SLC30A8: variants seen among roughly 807,000 people sequenced by gnomAD.
SLC30A8 encodes the protein proton-coupled zinc antiporter SLC30A8.
A neutral mutation model predicts 36.9 loss-of-function variants in SLC30A8; 27 were observed. The ratio of observed to expected loss-of-function variants is 0.73; its 90% CI spans 0.54 to 1.01. The LOEUF is 1.01. SLC30A8 is among the 50% of genes least tolerant of loss of function. The pLI, the probability that SLC30A8 is intolerant of heterozygous loss-of-function variation, is 0.00. For synonymous variants in SLC30A8, 164 were observed against 172.4 expected, an observed-to-expected ratio of 0.95 and a Z score of 0.38; for missense variants, 439 against 452.0, an observed-to-expected ratio of 0.97 and a Z score of 0.26.
chr8:117,041,772 T>C (rs996967645), intron 2 of SLC30A8, among the ~76,000 whole-genome samples: 2 of 152,148 alleles, frequency 1.3e-5, no homozygotes, highest in Non-Finnish European at 1.5e-5. Flanking sequence ...ACTTGACACA[T>C]TGATTGCTTT....
At chr8:116,966,580 A>G (rs1485067496) in intron 1 of SLC30A8, among the ~76,000 whole-genome samples, 1 of 152,178 alleles carries the variant, frequency 6.6e-6, no homozygotes, top group Non-Finnish European at 1.5e-5. Context: ...GACTTTCACA[A>G]TCACAAGCAG....
upstream of SLC30A8, among the ~76,000 whole-genome samples, chr8:117,131,350 A>G (rs2130924105): frequency 1.3e-5 from 2 of 152,146 alleles, no homozygotes; most frequent in South Asian, 4.1e-4. Context: ...TGCTAAGAAA[A>G]TACTACTCAA....
intron 1 of SLC30A8, among the ~76,000 whole-genome samples, chr8:116,967,136 T>A (rs904760318): frequency 1.3e-5 from 2 of 152,118 alleles, no homozygotes; most frequent in African/African-American, 4.8e-5. Flanking sequence ...AAATAAAAAT[T>A]CCCCAGGGTA....
At chr8:116,997,497 T>C (rs949406008) in intron 1 of SLC30A8, among the ~76,000 whole-genome samples, 2 of 148,166 alleles carry the variant, frequency 1.3e-5, no homozygotes, top group African/African-American at 5.0e-5. Context: ...GAAAATTAAA[T>C]CAGTTTTTTT....
intron 2 of SLC30A8, among the ~76,000 whole-genome samples, chr8:117,074,157 C>A (rs1818420291): frequency 6.6e-6 from 1 of 151,710 alleles, no homozygotes; most frequent in South Asian, 2.1e-4. Flanking sequence ...GAATGAAACG[C>A]ATGCACGTTT....
chr8:117,052,376 A>T (rs2130774247), intron 2 of SLC30A8, among the ~76,000 whole-genome samples: 1 of 152,324 alleles, frequency 6.6e-6, no homozygotes, highest in Non-Finnish European at 1.5e-5. Flanking sequence ...ATGCAAATGG[A>T]CTAACACAAT....
intron 2 of SLC30A8, among the ~76,000 whole-genome samples, chr8:117,098,049 T>C (rs1451226791): frequency 1.5e-5 from 2 of 136,970 alleles, no homozygotes; most frequent in East Asian, 2.0e-4. Context: ...TATAATTATA[T>C]ATAATTATAA....
At chr8:117,082,835 T>A (rs934619854) in intron 2 of SLC30A8, among the ~76,000 whole-genome samples, 1 of 152,130 alleles carries the variant, frequency 6.6e-6, no homozygotes, top group South Asian at 2.1e-4. Flanking sequence ...TTTGACTTGA[T>A]GCCTAGACAA....
upstream of SLC30A8, among the ~76,000 whole-genome samples, chr8:117,132,781 G>A (rs1250878630): frequency 6.6e-6 from 1 of 151,982 alleles, no homozygotes; most frequent in Non-Finnish European, 1.5e-5. Flanking sequence ...CAGTTAAAAT[G>A]AACTTGTAAG....
chr8:117,036,734 C>T (rs1196674420), intron 1 of SLC30A8, among the ~76,000 whole-genome samples: 1 of 152,176 alleles, frequency 6.6e-6, no homozygotes, highest in African/African-American at 2.4e-5. Flanking sequence ...CAATCACCTC[C>T]CACCGGGTCC....
chr8:117,075,159 TAGTG>T (rs1490647449), intron 2 of SLC30A8, among the ~76,000 whole-genome samples: 1 of 152,100 alleles, frequency 6.6e-6, no homozygotes, highest in Non-Finnish European at 1.5e-5. Context: ...AACAAAAAAA[TAGTG>T]AGCAAAGACA....
intron 2 of SLC30A8, among the ~76,000 whole-genome samples, chr8:117,081,767 T>C (rs1818684637): frequency 6.6e-6 from 1 of 152,192 alleles, no homozygotes; most frequent in Non-Finnish European, 1.5e-5. Context: ...TTAAGTAAAG[T>C]CTTCCAATTT....
At chr8:117,098,183 A>C (rs1279810032) in intron 2 of SLC30A8, among the ~76,000 whole-genome samples, 1 of 150,514 alleles carries the variant, frequency 6.6e-6, no homozygotes, top group African/African-American at 2.4e-5. Context: ...TTAGTCAATC[A>C]AGACCTCCCT....
chr8:117,143,558 T>C (rs969515689), intron 1 of SLC30A8, among the ~76,000 whole-genome samples: 1 of 152,104 alleles, frequency 6.6e-6, no homozygotes, highest in African/African-American at 2.4e-5. Flanking sequence ...GACTTGACTT[T>C]AATGAGATGA....
At position 117,015,488 on chromosome 8, in the gene SLC30A8, G is replaced by C. The variant is rs1816485324; in HGVS notation, c.-265-23731G>C. ...TCTTCTTAAAGCTGCATTTCCTAAA[G>C]TGGGTCCAATGGGAAACATTACAGT... On this transcript the variant is annotated intron_variant, in intron 1 of 10. Transcript: ENST00000427715. Among the ~76,000 whole-genome samples, 3 of 151,626 alleles carry C rather than the reference G, an allele frequency of 2.0e-5. No homozygotes were observed. The South Asian group carries it at 6.2e-4, about 31-fold the overall frequency.
intron 6 of SLC30A8, among the ~76,000 whole-genome samples, chr8:117,165,466 C>G (rs1352177649): frequency 6.6e-6 from 1 of 152,182 alleles, no homozygotes; most frequent in African/African-American, 2.4e-5. Flanking sequence ...CTGATGGCCT[C>G]AGAAAGGCCA....
At chr8:117,123,465 G>A (rs976815172) in intron 2 of SLC30A8, among the ~76,000 whole-genome samples, 3 of 151,942 alleles carry the variant, frequency 2.0e-5, no homozygotes, top group Non-Finnish European at 2.9e-5. Flanking sequence ...TCATTATTAG[G>A]CATTGATACC....
intron 1 of SLC30A8, among the ~76,000 whole-genome samples, chr8:117,005,545 G>A (rs1005807887): frequency 6.6e-6 from 1 of 152,144 alleles, no homozygotes; most frequent in Non-Finnish European, 1.5e-5. Flanking sequence ...GCATGTACAA[G>A]TACTTGTTTG....
chr8:117,115,392 T>G (rs1431431010), intron 2 of SLC30A8, among the ~76,000 whole-genome samples: 2 of 152,130 alleles, frequency 1.3e-5, no homozygotes, highest in African/African-American at 4.8e-5. Context: ...CTTCTAATTT[T>G]CTTTGTTCCT....
Sources: gnomAD v4.1 joint callset for allele counts (sites outside exome capture counted in the v4.1 genomes callset) on GRCh38, gnomAD v4.1.1 for gene constraint, MANE v1.5 for transcripts, NCBI Gene and HGNC (gene_info 2026-07-23, HGNC 2026-07-21) for gene names.